Variants in ANKDD1B observed in about 807,000 individuals in gnomAD.
ANKDD1B encodes ankyrin repeat and death domain-containing protein 1B.
Under a neutral mutation model 59.7 loss-of-function variants are expected in ANKDD1B, and 57 were observed. That is an observed-to-expected ratio of 0.95 (90% CI 0.77 to 1.19). The LOEUF (loss-of-function observed/expected upper bound fraction) is 1.19, where lower values mean the gene tolerates loss of function less well. ANKDD1B is among the 50% of genes most tolerant of loss of function. The pLI, the probability that ANKDD1B is intolerant of heterozygous loss-of-function variation, is 0.00. For missense variants in ANKDD1B, 602 were observed against 641.9 expected (o/e 0.94, Z 0.67); for synonymous variants, 216 against 239.5 (o/e 0.90, Z 0.91).
intron 7 of ANKDD1B, among the ~76,000 whole-genome samples, chr5:75,648,630 T>C (rs1017249219): frequency 1.3e-5 from 2 of 152,186 alleles, no homozygotes; most frequent in African/African-American, 2.4e-5. Context: ...ATCCATTTTT[T>C]AGCTTTTACT....
At position 75,649,184 on chromosome 5, in the gene ANKDD1B, C is replaced by CTT. The variant is rs35027297; in HGVS notation, c.799-3942_799-3941dup. 2.7e-3 allele frequency among the ~76,000 whole-genome samples: 343 copies of CTT among 125,906 alleles called. 3 individuals carry two copies. The highest frequency in any genetic ancestry group is 9.1e-3 in the African/African-American group (312 of 34,386). 82.6% of individuals were successfully genotyped at this position (125,906 alleles called of 152,430 possible). On this transcript the variant is annotated intron_variant, in intron 7 of 13. Coordinates refer to ENST00000601380, the MANE Select transcript of ANKDD1B (RefSeq NM_001276713.2). ...TTAAGTGCTCCCACATTCCTCTTTACTTTTTTTTTTTTTTTTTGCTGGTAA... is the reference window on the plus strand; with the variant it reads ...TTAAGTGCTCCCACATTCCTCTTTACTTTTTTTTTTTTTTTTTTTGCTGGTAA...
rs543905262 is a variant in ANKDD1B at position 75,656,706 on chromosome 5, CTCTGGGGCTCT to C, written c.996+589_996+599del. Among the ~76,000 whole-genome samples the C allele has an allele frequency of 1.1e-3, 163 of 152,338 alleles. 1 individual carries two copies. The highest frequency in any genetic ancestry group is 7.4e-3 in the Admixed American group (113 of 15,308). On this transcript the variant is annotated intron_variant, in intron 9 of 13. Transcript: ENST00000601380. ...GGGGTGGGCACTGAATGAGCCTGCT[CTCTGGGGCTCT>C]TCTGGGGCTGGCCTGCCCTCTTCCA...
intron 3 of ANKDD1B, 71 bp downstream of exon 3, chr5:75,620,484 G>C: frequency 1.2e-6 from 1 of 837,100 alleles, no homozygotes. Context: ...ATTCCAGTTA[G>C]ACATCTTTTC....
At chr5:75,654,099 T>G (rs1213839267) in intron 8 of ANKDD1B, among the ~76,000 whole-genome samples, 1 of 152,232 alleles carries the variant, frequency 6.6e-6, no homozygotes, top group African/African-American at 2.4e-5. Context: ...GCTGCTCCCA[T>G]AGCCCTGCTC....
intron 7 of ANKDD1B, among the ~76,000 whole-genome samples, chr5:75,637,627 T>C (rs1195586804): frequency 1.3e-5 from 2 of 152,198 alleles, no homozygotes; most frequent in African/African-American, 4.8e-5. Flanking sequence ...ACTTAAAATA[T>C]TTATTTTATG....
chr5:75,660,690 C>T (rs1021093904), intron 10 of ANKDD1B, among the ~76,000 whole-genome samples: 8 of 152,304 alleles, frequency 5.3e-5, no homozygotes, highest in Admixed American at 3.9e-4. Flanking sequence ...GTCAGGTGCT[C>T]ACGCAGGCCA....
At chr5:75,626,060 G>T in intron 5 of ANKDD1B, 105 bp downstream of exon 5, 2 of 775,540 alleles carry the variant, frequency 2.6e-6, no homozygotes, top group South Asian at 3.4e-5. Context: ...GACAGACCCG[G>T]CCCTGTAGCC....
chr5:75,662,437 A>G (rs1158038882), intron 10 of ANKDD1B, among the ~76,000 whole-genome samples: 3 of 152,182 alleles, frequency 2.0e-5, no homozygotes. Context: ...ACCATGTAAG[A>G]TAATACTTGG....
rs111578438 is a variant in ANKDD1B at position 75,633,479 on chromosome 5, T to C, written c.601-1419T>C. 1.1e-3 allele frequency among the ~76,000 whole-genome samples: 166 copies of C among 152,318 alleles called. 1 individual carries two copies. The highest frequency in any genetic ancestry group is 7.4e-3 in the Admixed American group (113 of 15,296). On this transcript the variant is annotated intron_variant, in intron 5 of 13. Coordinates refer to ENST00000601380, the MANE Select transcript of ANKDD1B (RefSeq NM_001276713.2). ...GGGCTCCTATGTTGTTATCTCAGGTTAACAGTGGCCGTGATCTTTTCATTA... is the reference window on the plus strand; with the variant it reads ...GGGCTCCTATGTTGTTATCTCAGGTCAACAGTGGCCGTGATCTTTTCATTA...
At chr5:75,615,668 CTGTGTGTG>C (rs113185824) in intron 1 of ANKDD1B, among the ~76,000 whole-genome samples, 32 of 144,332 alleles carry the variant, frequency 2.2e-4, no homozygotes, top group African/African-American at 7.4e-4. Flanking sequence ...CTGGTCTTCC[CTGTGTGTG>C]TGTGTGTGTG....
chr5:75,622,270 T>C (rs1431494944), intron 3 of ANKDD1B, among the ~76,000 whole-genome samples: 1 of 152,230 alleles, frequency 6.6e-6, no homozygotes, highest in African/African-American at 2.4e-5. Flanking sequence ...AGCATGCACA[T>C]CACCTGCAAG....
At position 75,671,810 on chromosome 5, in the gene ANKDD1B, T is replaced by A. The variant is rs1470976591; in HGVS notation, c.*770T>A. On this transcript the variant is annotated 3_prime_UTR_variant, in exon 14 of 14. Coordinates refer to ENST00000601380, the MANE Select transcript of ANKDD1B (RefSeq NM_001276713.2). Reference sequence around the variant, plus strand: ...CAAAGAACATGCATTATTTTTGTAATCTAAGAGTTATGAAATAAATGTAAA... The same window carrying A: ...CAAAGAACATGCATTATTTTTGTAAACTAAGAGTTATGAAATAAATGTAAA... 2.0e-5 allele frequency: 3 copies of A among 149,412 alleles called. No individual in the cohort carries two copies. The highest frequency in any genetic ancestry group is 4.4e-5 in the Non-Finnish European group (3 of 67,420). 9.3% of individuals were successfully genotyped at this position (149,412 alleles called of 1,614,324 possible).
intron 7 of ANKDD1B, among the ~76,000 whole-genome samples, chr5:75,652,311 C>T (rs757940795): frequency 6.6e-6 from 1 of 152,166 alleles, no homozygotes; most frequent in Non-Finnish European, 1.5e-5. Context: ...CTGTTGCACA[C>T]GTGTTCCCTA....
chr5:75,611,837 G>C lies in ANKDD1B; in HGVS notation c.193+10G>C, dbSNP rs1230345394. The stretch of plus-strand genomic sequence containing the variant: ...GCCGGACACGAGCTCCGTGAGTCCC[G>C]GGACGAGGTCTCAGAAAATCAGGCT... On this transcript the variant is annotated intron_variant, in intron 1 of 13. Transcript: ENST00000601380. 8.1e-7 allele frequency: 1 copy of C among 1,227,574 alleles called. No individual in the cohort carries two copies. The highest frequency in any genetic ancestry group is 4.1e-5 in the South Asian group (1 of 24,316). The allele number at this position is 1,227,574 out of a possible 1,614,324, so 76.0% of individuals were successfully genotyped here. A position where few individuals can be genotyped will look rare whatever the true frequency, so the allele number is the denominator to read the frequency against.
intron 7 of ANKDD1B, among the ~76,000 whole-genome samples, chr5:75,637,866 A>C (rs1217016254): frequency 2.0e-5 from 3 of 152,000 alleles, no homozygotes; most frequent in Non-Finnish European, 2.9e-5. Context: ...GTACAGCGGC[A>C]TGGGAGATGC....
chr5:75,645,370 AAAG>A (rs1456992793), intron 7 of ANKDD1B, among the ~76,000 whole-genome samples: 1 of 73,730 alleles, frequency 1.4e-5, no homozygotes, highest in Non-Finnish European at 2.3e-5. Context: ...ATAAAGAAAA[AAAG>A]AGAGAAGAAT....
In ANKDD1B at chr5:75,653,233, A is replaced by G; in HGVS notation, c.890A>G (p.Lys297Arg). The G allele has an allele frequency of 6.5e-7, 1 of 1,535,806 alleles. No individual in the cohort carries two copies. Among genetic ancestry groups the G allele is most frequent in the Non-Finnish European group, 8.7e-7 (1 of 1,146,656 alleles). Reference protein sequence around the residue: ...LLSENVDLHQKVEPKESPLHL... With the variant: ...LLSENVDLHQRVEPKESPLHL... ...AGTGAGAACGTTGATCTGCACCAGA[A>G]AGTGGAAGTGAGTTTATTCCAATGA... The change falls in exon 8 of 14, where the codon AAA (lysine) becomes AGA (arginine). Residue 297 changes from lysine (K) to arginine (R), a missense_variant. Transcript: ENST00000601380.
At chr5:75,637,240 CAAAAAAAAAAAAAAAAA>C (rs55640131) in intron 7 of ANKDD1B, among the ~76,000 whole-genome samples, 8 of 69,934 alleles carry the variant, frequency 1.1e-4, no homozygotes, top group South Asian at 7.1e-4. Flanking sequence ...GACTCTGTCT[CAAAAAAAAAAAAAAAAA>C]AAAAAAAAAA....
At chr5:75,659,777 A>G (rs1775073812) in intron 10 of ANKDD1B, among the ~76,000 whole-genome samples, 1 of 152,158 alleles carries the variant, frequency 6.6e-6, no homozygotes, top group South Asian at 2.1e-4. Context: ...TTTTATGCAT[A>G]TGCAAGCAAA....
Sources: gnomAD v4.1 joint callset for allele counts (sites outside exome capture counted in the v4.1 genomes callset) on GRCh38, gnomAD v4.1.1 for gene constraint, MANE v1.5 for transcripts, NCBI Gene and HGNC (gene_info 2026-07-23, HGNC 2026-07-21) for gene names.